MAGI2: variants seen among roughly 807,000 people sequenced by gnomAD.
MAGI2 encodes membrane-associated guanylate kinase, WW and PDZ domain-containing protein 2.
MAGI2 carries 35 observed loss-of-function variants against 133.3 expected under a neutral mutation model. The observed-to-expected ratio is 0.26, with a 90% confidence interval of 0.20 to 0.35. The LOEUF (loss-of-function observed/expected upper bound fraction) is 0.35, where lower values mean the gene tolerates loss of function less well. Ranked by LOEUF, MAGI2 falls within the 10% of genes least tolerant of loss-of-function variation. The pLI is 1.00. For missense variants in MAGI2, 1,636 were observed against 1,863.4 expected (o/e 0.88, Z 2.25); for synonymous variants, 729 against 710.6 (o/e 1.03, Z -0.41).
At chr7:78,043,841 A>C (rs141488835) in intron 21 of MAGI2, among the ~76,000 whole-genome samples, 17 of 152,348 alleles carry the variant, frequency 1.1e-4, no homozygotes, top group African/African-American at 4.1e-4. Context: ...AAAAACTAAC[A>C]AACTGAGAAC....
At chr7:78,614,385 TAA>T (rs1806838188) in intron 3 of MAGI2, 1 of 152,076 alleles carries the variant, frequency 6.6e-6, no homozygotes, top group Admixed American at 6.5e-5. Flanking sequence ...CACATTTTAT[TAA>T]TACATCAATT....
intron 1 of MAGI2, among the ~76,000 whole-genome samples, chr7:79,311,869 T>C (rs1029925391): frequency 6.6e-6 from 1 of 152,200 alleles, no homozygotes; most frequent in Non-Finnish European, 1.5e-5. Flanking sequence ...CTTGAAGTCA[T>C]TCTTGCCTTC....
chr7:78,285,219 C>T (rs192300279), intron 9 of MAGI2, among the ~76,000 whole-genome samples: 76 of 152,192 alleles, frequency 5.0e-4, no homozygotes, highest in African/African-American at 1.8e-3. Flanking sequence ...AGCAGCAGGG[C>T]AGACAATCTA....
chr7:78,315,245 T>C (rs1787291019), intron 9 of MAGI2, among the ~76,000 whole-genome samples: 1 of 152,146 alleles, frequency 6.6e-6, no homozygotes. Context: ...TATGACCTGG[T>C]ATTAAGTGAG....
At chr7:79,143,927 TG>T (rs1822370924) in intron 1 of MAGI2, among the ~76,000 whole-genome samples, 1 of 152,164 alleles carries the variant, frequency 6.6e-6, no homozygotes, top group South Asian at 2.1e-4. Flanking sequence ...TCTTCCAAAC[TG>T]GAGTAGGAAG....
At position 78,568,887 on chromosome 7, in the gene MAGI2, T is replaced by G. The variant is rs985534700; in HGVS notation, c.539-47242A>C. Among the ~76,000 whole-genome samples, 5 of 152,326 alleles carry G rather than the reference T, an allele frequency of 3.3e-5. No individual in the cohort carries two copies. The East Asian group carries it at 5.8e-4, about 18-fold the overall frequency. ...GTCCTTGCTGGGTTCTGAGTCTCTC[T>G]TTTATTTCCTGCTCCAGGCAGCCTG... On this transcript the variant is annotated intron_variant, in intron 3 of 21. Coordinates refer to ENST00000354212, the MANE Select transcript of MAGI2 (RefSeq NM_012301.4).
chr7:78,287,627 T>A lies in MAGI2; in HGVS notation c.1409-31046A>T, dbSNP rs935202340. Among the ~76,000 whole-genome samples the A allele has an allele frequency of 2.0e-5, 3 of 152,172 alleles. No homozygotes were observed. The East Asian group carries it at 5.8e-4, about 29-fold the overall frequency. On this transcript the variant is annotated intron_variant, in intron 9 of 21. Transcript: ENST00000354212. Reference sequence around the variant, plus strand: ...TCTGTATAGATGACTACTGAATTAATCTTCAAAAGTCACCTGAGTGATCTT... The same window carrying A: ...TCTGTATAGATGACTACTGAATTAAACTTCAAAAGTCACCTGAGTGATCTT...
intron 2 of MAGI2, among the ~76,000 whole-genome samples, chr7:78,661,340 A>T (rs892041144): frequency 6.6e-6 from 1 of 152,126 alleles, no homozygotes; most frequent in Non-Finnish European, 1.5e-5. Flanking sequence ...TGATACACAG[A>T]TAGTTTCCAA....
intron 1 of MAGI2, among the ~76,000 whole-genome samples, chr7:79,170,261 C>T (rs755405197): frequency 6.9e-6 from 1 of 145,390 alleles, no homozygotes; most frequent in Admixed American, 7.2e-5. Flanking sequence ...TCCCAGGCAC[C>T]TTAAACTCCC....
chr7:78,301,878 T>G (rs888635508), intron 9 of MAGI2, among the ~76,000 whole-genome samples: 5 of 152,274 alleles, frequency 3.3e-5, no homozygotes, highest in African/African-American at 1.2e-4. Context: ...TGAGTGACTT[T>G]CAGTAAGTTA....
chr7:79,139,805 A>G (rs1037945802), intron 1 of MAGI2: 1 of 152,220 alleles, frequency 6.6e-6, no homozygotes, highest in Non-Finnish European at 1.5e-5. Flanking sequence ...CAAAAAAACC[A>G]TAATGTGGAG....
chr7:78,941,551 G>C (rs1398022774), intron 2 of MAGI2, among the ~76,000 whole-genome samples: 1 of 151,946 alleles, frequency 6.6e-6, no homozygotes. Flanking sequence ...GGCCAGGCTG[G>C]TCTCGAACTC....
At chr7:79,002,981 C>T (rs1259558052) in intron 2 of MAGI2, among the ~76,000 whole-genome samples, 2 of 149,746 alleles carry the variant, frequency 1.3e-5, no homozygotes, top group African/African-American at 4.9e-5. Flanking sequence ...AGGCTAAATA[C>T]AGTCAGTCCT....
intron 1 of MAGI2, among the ~76,000 whole-genome samples, chr7:79,273,707 G>A (rs1486840323): frequency 6.6e-6 from 1 of 151,054 alleles, no homozygotes; most frequent in African/African-American, 2.4e-5. Flanking sequence ...CAGAACTTTT[G>A]TTACAGTATG....
At chr7:78,297,807 T>TATC (rs1797421250) in intron 9 of MAGI2, among the ~76,000 whole-genome samples, 1 of 124,856 alleles carries the variant, frequency 8.0e-6, no homozygotes, top group South Asian at 2.8e-4. Flanking sequence ...GGAAGGGGAA[T>TATC]ATCACACTCT....
At chr7:79,299,283 A>G (rs1005390462) in intron 1 of MAGI2, among the ~76,000 whole-genome samples, 1 of 152,052 alleles carries the variant, frequency 6.6e-6, no homozygotes, top group Admixed American at 6.6e-5. Flanking sequence ...AATAAATGGT[A>G]TTTAGGTAAA....
chr7:78,470,243 A>G (rs899362674), intron 6 of MAGI2, among the ~76,000 whole-genome samples: 14 of 152,162 alleles, frequency 9.2e-5, no homozygotes, highest in African/African-American at 2.2e-4. Context: ...CTTTGTAAGT[A>G]ATATGCTACA....
intron 4 of MAGI2, among the ~76,000 whole-genome samples, chr7:78,508,388 A>G (rs1795274968): frequency 6.6e-6 from 1 of 152,176 alleles, no homozygotes; most frequent in Non-Finnish European, 1.5e-5. Flanking sequence ...ATGCTATATC[A>G]TATTTGTTTC....
At chr7:78,821,451 G>T (rs748417719) in intron 2 of MAGI2, among the ~76,000 whole-genome samples, 4 of 151,942 alleles carry the variant, frequency 2.6e-5, no homozygotes, top group Non-Finnish European at 5.9e-5. Flanking sequence ...TGGAGAATGA[G>T]GGGCTATTTT....
Sources: gnomAD v4.1 joint callset for allele counts (sites outside exome capture counted in the v4.1 genomes callset) on GRCh38, gnomAD v4.1.1 for gene constraint, MANE v1.5 for transcripts, NCBI Gene and HGNC (gene_info 2026-07-23, HGNC 2026-07-21) for gene names.